Variants in RNF217 observed in about 807,000 individuals in gnomAD.
The protein encoded by RNF217 is ring finger protein 217, also known as E3 ubiquitin-protein ligase RNF217.
In RNF217, 31 loss-of-function variants were observed where a neutral mutation model predicts 57.8. That is an observed-to-expected ratio of 0.54 (90% CI 0.40 to 0.72). The LOEUF (loss-of-function observed/expected upper bound fraction) is 0.72. Among genes scored for constraint, RNF217 ranks in the 30% least tolerant of loss-of-function variants. The pLI is 0.00. For missense variants in RNF217, 696 were observed against 708.3 expected (o/e 0.98, Z 0.20); for synonymous variants, 313 against 294.0 (o/e 1.06, Z -0.66).
chr6:125,044,513 G>A (rs1030231488), intron 1 of RNF217, among the ~76,000 whole-genome samples: 3 of 151,846 alleles, frequency 2.0e-5, no homozygotes, highest in African/African-American at 7.3e-5. Context: ...ATCTAGCTTC[G>A]TAGTCCTTTG....
intron 1 of RNF217, among the ~76,000 whole-genome samples, chr6:124,978,790 C>A (rs910937343): frequency 6.6e-6 from 1 of 152,072 alleles, no homozygotes; most frequent in Admixed American, 6.6e-5. Context: ...TGTCCCCTGA[C>A]CAAGAGGAAT....
chr6:124,962,989 G>T lies in RNF217; in HGVS notation c.445G>T (p.Val149Leu), dbSNP rs1011774219. The T allele has an allele frequency of 6.3e-6, 10 of 1,596,862 alleles. No individual in the cohort carries two copies. The highest frequency in any genetic ancestry group is 8.5e-6 in the Non-Finnish European group (10 of 1,179,248). Residue 149 changes from valine to leucine, a missense_variant, in exon 1 of 6, where the codon GTG becomes TTG. This residue lies in a region of RNF217 where 465 missense variants were observed against 386.8 expected (regional missense o/e 1.20). Coordinates refer to ENST00000521654, the MANE Select transcript of RNF217 (RefSeq NM_001286398.3). The surrounding 1 kb of genome is among the most constrained non-coding windows in gnomAD (Gnocchi z 4.6). ...GGCCGCCGACGGACTGGTCCTGGAC[G>T]TGCTGGGTCAGCGGCGCCCGTCCCT... Reference protein sequence around the residue: ...VGAADGLVLDVLGQRRPSLAK... With the variant: ...VGAADGLVLDLLGQRRPSLAK...
Position 125,082,951 on chromosome 6 carries a change from T to G in RNF217, c.*14T>G. On this transcript the variant is annotated 3_prime_UTR_variant, in exon 6 of 6. Coordinates refer to ENST00000521654, the MANE Select transcript of RNF217 (RefSeq NM_001286398.3). Reference sequence around the variant, plus strand: ...ATGCACTGGTAACATGCAGATGATTTCATCCAGCTAAGCTGGTTGGAGTAG... The same window carrying G: ...ATGCACTGGTAACATGCAGATGATTGCATCCAGCTAAGCTGGTTGGAGTAG... 1 of 1,581,380 alleles carries G rather than the reference T, an allele frequency of 6.3e-7. No individual in the cohort carries two copies. Among genetic ancestry groups the G allele is most frequent in the Non-Finnish European group, 8.6e-7 (1 of 1,167,416 alleles).
At chr6:125,080,599 G>A (rs979340889) in intron 4 of RNF217, among the ~76,000 whole-genome samples, 12 of 151,908 alleles carry the variant, frequency 7.9e-5, no homozygotes, top group African/African-American at 2.2e-4. Context: ...GTCACATGCC[G>A]TAAGGTTTAA....
intron 1 of RNF217, among the ~76,000 whole-genome samples, chr6:124,989,214 C>T (rs2325764): frequency 0.24 from 36,654 of 151,828 alleles, 4,820 homozygotes; most frequent in East Asian, 0.4. Flanking sequence ...TTTTGATGAG[C>T]GCTTATGCTA....
chr6:125,021,360 G>A (rs574447923), intron 1 of RNF217, among the ~76,000 whole-genome samples: 3 of 150,874 alleles, frequency 2.0e-5, no homozygotes, highest in South Asian at 2.1e-4. Flanking sequence ...TGTACCTCCC[G>A]GATTCAAGCA....
intron 2 of RNF217, among the ~76,000 whole-genome samples, chr6:125,055,596 A>T (rs548358766): frequency 1.4e-4 from 22 of 152,314 alleles, no homozygotes; most frequent in Admixed American, 7.8e-4. Context: ...ATAATCTAAG[A>T]CTGATTAAAA....
chr6:125,013,345 T>TTGTG lies in RNF217; in HGVS notation c.883-31864_883-31861dup, dbSNP rs1388363342. Among the ~76,000 whole-genome samples, 713 of 112,272 alleles carry TTGTG rather than the reference T, an allele frequency of 6.4e-3. 12 individuals carry two copies. The highest frequency in any genetic ancestry group is 0.022 in the African/African-American group (686 of 31,698). The allele number at this position is 112,272 out of a possible 152,430, so 73.7% of individuals were successfully genotyped here. A position where few individuals can be genotyped will look rare whatever the true frequency, so the allele number is the denominator to read the frequency against. On this transcript the variant is annotated intron_variant, in intron 1 of 5. Transcript: ENST00000521654. ...AAAGAAAGGTAGGTGCTTGCATGTT[T>TTGTG]TGTGTATGTGTGTGTGTGTGTGTGT...
In RNF217 at chr6:125,092,619, T is replaced by A. The variant is rs1788992094; in HGVS notation, c.*9682T>A. On this transcript the variant is annotated 3_prime_UTR_variant, in exon 6 of 6. Transcript: ENST00000521654. ...TTATTTAGCAATGCGTAATAAAAGT[T>A]TTTAAAAGAGAAAATTCTTGTCTTT... 1 of 152,212 alleles carries A rather than the reference T, an allele frequency of 6.6e-6. No homozygotes were observed. The highest frequency in any genetic ancestry group is 2.1e-4 in the South Asian group (1 of 4,834). 9.4% of individuals were successfully genotyped at this position (152,212 alleles called of 1,614,324 possible).
intron 1 of RNF217, among the ~76,000 whole-genome samples, chr6:124,987,490 T>G (rs1784405628): frequency 6.6e-6 from 1 of 152,186 alleles, no homozygotes; most frequent in African/African-American, 2.4e-5. Context: ...CAATATGTGG[T>G]CTTTTGTAAC....
At chr6:125,023,409 G>A (rs6905212) in intron 1 of RNF217, among the ~76,000 whole-genome samples, 140,699 of 152,262 alleles carry the variant, frequency 0.92, 65,445 homozygotes, top group Non-Finnish European at 0.98. Flanking sequence ...TAGTGGAGTT[G>A]TATGATCAGA....
rs763819592 is a variant in RNF217, at chr6:125,081,406, C to A, written c.1484-30C>A. ...TATTTGGTAGGTTAGTTTTAAGACT[C>A]CTTAAATAATTTTGCCTTTTGTTTT... On this transcript the variant is annotated intron_variant, in intron 4 of 5. Coordinates refer to ENST00000521654, the MANE Select transcript of RNF217 (RefSeq NM_001286398.3). 2.1e-5 allele frequency: 33 copies of A among 1,565,636 alleles called. No individual in the cohort carries two copies. The South Asian group carries it at 3.6e-4, about 17-fold the overall frequency.
At chr6:125,031,017 T>A (rs1786332366) in intron 1 of RNF217, among the ~76,000 whole-genome samples, 1 of 152,244 alleles carries the variant, frequency 6.6e-6, no homozygotes, top group South Asian at 2.1e-4. Flanking sequence ...GTTCTTGACT[T>A]CTTTGCACAT....
intron 1 of RNF217, among the ~76,000 whole-genome samples, chr6:124,997,074 C>T (rs1435598884): frequency 6.6e-6 from 1 of 152,102 alleles, no homozygotes; most frequent in Non-Finnish European, 1.5e-5. Context: ...TTCATCATTT[C>T]TGTCAAAAAA....
intron 3 of RNF217, among the ~76,000 whole-genome samples, chr6:125,074,297 GTAGATAGATAGA>G (rs61208735): frequency 0.1 from 14,680 of 144,778 alleles, 884 homozygotes; most frequent in East Asian, 0.22. Flanking sequence ...CAGAAGATAG[GTAGATAGATAGA>G]TAGATAGATA....
At chr6:125,052,155 G>C (rs564870609) in intron 2 of RNF217, among the ~76,000 whole-genome samples, 1 of 152,092 alleles carries the variant, frequency 6.6e-6, no homozygotes, top group East Asian at 1.9e-4. Flanking sequence ...AGCTAGTATT[G>C]AGGTGAATGC....
intron 1 of RNF217, among the ~76,000 whole-genome samples, chr6:125,001,083 T>C (rs1312306225): frequency 2.0e-5 from 3 of 152,160 alleles, no homozygotes; most frequent in Non-Finnish European, 2.9e-5. Flanking sequence ...AAAATATTAA[T>C]TTTTAGATTG....
chr6:125,039,982 C>T (rs543474122), intron 1 of RNF217, among the ~76,000 whole-genome samples: 2 of 152,178 alleles, frequency 1.3e-5, no homozygotes, highest in South Asian at 4.1e-4. Flanking sequence ...ACTAAATGCC[C>T]ACATCAGAAA....
intron 1 of RNF217, among the ~76,000 whole-genome samples, chr6:124,967,143 TG>T (rs1433886076): frequency 6.6e-6 from 1 of 152,222 alleles, no homozygotes; most frequent in East Asian, 1.9e-4. Context: ...TACATAAATC[TG>T]GAACATTCAT....
Sources: allele counts gnomAD v4.1 joint callset (sites outside exome capture counted in the v4.1 genomes callset), GRCh38; gene constraint gnomAD v4.1.1; regional missense constraint gnomAD v4.1.1; non-coding constraint Gnocchi (gnomAD v3.1); transcripts MANE v1.5; gene names NCBI Gene and HGNC (gene_info 2026-07-23, HGNC 2026-07-21).